Variants in CACNA2D3 observed in about 807,000 individuals in gnomAD.
CACNA2D3 encodes voltage-dependent calcium channel subunit alpha-2/delta-3.
A neutral mutation model predicts 160.6 loss-of-function variants in CACNA2D3; 60 were observed. That is an observed-to-expected ratio of 0.37 (90% CI 0.30 to 0.46). The LOEUF (loss-of-function observed/expected upper bound fraction) is 0.46, where lower values mean the gene tolerates loss of function less well. Among genes scored for constraint, CACNA2D3 ranks in the 20% least tolerant of loss-of-function variants. CACNA2D3 has a pLI of 1.00. For synonymous variants in CACNA2D3, 558 were observed against 492.9 expected (o/e 1.13, Z -1.75); for missense variants, 1,205 against 1,365.0 (o/e 0.88, Z 1.85).
chr3:54,849,382 C>T (rs765209501), intron 17 of CACNA2D3, among the ~76,000 whole-genome samples: 6 of 152,190 alleles, frequency 3.9e-5, no homozygotes, highest in Non-Finnish European at 8.8e-5. Context: ...TGCTTTCCCC[C>T]TCCTCCTTCC....
intron 6 of CACNA2D3, among the ~76,000 whole-genome samples, chr3:54,564,148 G>T (rs969936390): frequency 6.6e-6 from 1 of 152,106 alleles, no homozygotes; most frequent in Non-Finnish European, 1.5e-5. Context: ...GAAGCCCCTG[G>T]GTAGCCAACC....
At chr3:55,029,829 T>C (rs765783619) in intron 35 of CACNA2D3, among the ~76,000 whole-genome samples, 1 of 152,210 alleles carries the variant, frequency 6.6e-6, no homozygotes. Context: ...TGCAAGCATA[T>C]GCTAATTTGT....
intron 3 of CACNA2D3, among the ~76,000 whole-genome samples, chr3:54,371,150 T>G (rs1698919767): frequency 6.6e-6 from 1 of 152,228 alleles, no homozygotes. Context: ...ACCTTTTGGC[T>G]GTAATGATTG....
chr3:54,390,762 C>T (rs1699265455), intron 4 of CACNA2D3, among the ~76,000 whole-genome samples: 1 of 152,076 alleles, frequency 6.6e-6, no homozygotes, highest in Non-Finnish European at 1.5e-5. Context: ...GGTGTCAGCC[C>T]CATTGCTATT....
At chr3:54,211,114 C>A (rs1441969911) in intron 2 of CACNA2D3, among the ~76,000 whole-genome samples, 1 of 152,078 alleles carries the variant, frequency 6.6e-6, no homozygotes, top group Non-Finnish European at 1.5e-5. Flanking sequence ...ATTAGTTTAT[C>A]CTTGTGGATA....
chr3:54,514,311 T>C (rs1231859276), intron 5 of CACNA2D3, among the ~76,000 whole-genome samples: 1 of 152,172 alleles, frequency 6.6e-6, no homozygotes, highest in African/African-American at 2.4e-5. Flanking sequence ...GAGGTGATGA[T>C]GATCAGAATG....
chr3:54,284,292 A>T (rs934164570), intron 2 of CACNA2D3, among the ~76,000 whole-genome samples: 7 of 151,350 alleles, frequency 4.6e-5, no homozygotes, highest in South Asian at 4.1e-4. Flanking sequence ...AAATTAAATT[A>T]AAAAAATTAA....
chr3:54,833,789 T>A (rs920820910), intron 14 of CACNA2D3, among the ~76,000 whole-genome samples: 2 of 152,098 alleles, frequency 1.3e-5, no homozygotes, highest in Non-Finnish European at 2.9e-5. Flanking sequence ...AGTCTTAATT[T>A]TCTGCAAATG....
At chr3:54,856,007 C>T (rs1273718878) in intron 17 of CACNA2D3, among the ~76,000 whole-genome samples, 2 of 152,214 alleles carry the variant, frequency 1.3e-5, no homozygotes, top group South Asian at 4.1e-4. Context: ...CTTGCATGGA[C>T]CTTTGAGTCT....
chr3:54,372,906 G>A lies in CACNA2D3; in HGVS notation c.322-13809G>A, dbSNP rs1698950589. On this transcript the variant is annotated intron_variant, in intron 3 of 37. Coordinates refer to ENST00000474759, the MANE Select transcript of CACNA2D3 (RefSeq NM_018398.3). The stretch of plus-strand genomic sequence containing the variant: ...TTCCTTGAATTCGAGAGGAATGTGT[G>A]AGAATTAGAATGGAAAAATAACAAA... Among the ~76,000 whole-genome samples the A allele has an allele frequency of 2.0e-5, 3 of 152,214 alleles. No individual in the cohort carries two copies. In the South Asian group the frequency reaches 6.2e-4, roughly 32 times the overall value.
chr3:54,505,721 C>T (rs1431101453), intron 5 of CACNA2D3, among the ~76,000 whole-genome samples: 1 of 152,154 alleles, frequency 6.6e-6, no homozygotes, highest in African/African-American at 2.4e-5. Flanking sequence ...TCAGAATGAT[C>T]TTTTAAAATA....
intron 5 of CACNA2D3, among the ~76,000 whole-genome samples, chr3:54,528,600 G>A (rs1701761047): frequency 6.6e-6 from 1 of 152,088 alleles, no homozygotes; most frequent in Non-Finnish European, 1.5e-5. Context: ...ATTTGTCCCA[G>A]AATGAACCTT....
At chr3:54,640,577 G>T (rs1008320768) in intron 10 of CACNA2D3, among the ~76,000 whole-genome samples, 2 of 152,192 alleles carry the variant, frequency 1.3e-5, no homozygotes, top group African/African-American at 4.8e-5. Flanking sequence ...AAAGCTGAAA[G>T]TTGAAGAAGT....
At chr3:54,320,187 A>C (rs1375411084) in intron 2 of CACNA2D3, among the ~76,000 whole-genome samples, 1 of 152,224 alleles carries the variant, frequency 6.6e-6, no homozygotes, top group African/African-American at 2.4e-5. Context: ...TAGACAGATG[A>C]TCGTTTAATT....
At chr3:54,153,263 C>T (rs1414386174) in intron 2 of CACNA2D3, among the ~76,000 whole-genome samples, 2 of 152,208 alleles carry the variant, frequency 1.3e-5, no homozygotes, top group Non-Finnish European at 2.9e-5. Flanking sequence ...GCTCTGACCA[C>T]AGCAGTTGAT....
chr3:55,008,219 T>G (rs1202245816), intron 33 of CACNA2D3, among the ~76,000 whole-genome samples: 1 of 152,234 alleles, frequency 6.6e-6, no homozygotes, highest in Non-Finnish European at 1.5e-5. Flanking sequence ...TGTCTTGGCC[T>G]GTGCAGGAAT....
chr3:54,866,201 G>GA (rs1699397657), intron 17 of CACNA2D3, among the ~76,000 whole-genome samples: 4 of 152,202 alleles, frequency 2.6e-5, no homozygotes, highest in Admixed American at 6.5e-5. Context: ...GGATTGTGTA[G>GA]GTGAACAAAT....
rs1553839738 is a variant in CACNA2D3, at chr3:54,764,295, A to G, written c.1324A>G (p.Lys442Glu). 1 of 1,613,908 alleles carries G rather than the reference A, an allele frequency of 6.2e-7. No homozygotes were observed. The stretch of plus-strand genomic sequence containing the variant: ...ATACCTTCACGTGCTTAGCCGGCCC[A>G]AAGTCATCGACCAGGAGCATGATGT... The part of the protein sequence containing the change: ...MEYLHVLSRP[K>E]VIDQEHDVVW... The change falls in exon 13 of 38, where the codon AAA (lysine) becomes GAA (glutamate). Residue 442 changes from lysine to glutamate, a missense_variant. Coordinates refer to ENST00000474759, the MANE Select transcript of CACNA2D3 (RefSeq NM_018398.3).
At chr3:54,872,617 T>A (rs1699561319) in intron 18 of CACNA2D3, among the ~76,000 whole-genome samples, 1 of 152,196 alleles carries the variant, frequency 6.6e-6, no homozygotes, top group South Asian at 2.1e-4. Flanking sequence ...GCAGCTTTCC[T>A]TCTTTCCACA....
Sources: allele counts gnomAD v4.1 joint callset (sites outside exome capture counted in the v4.1 genomes callset), GRCh38; gene constraint gnomAD v4.1.1; transcripts MANE v1.5; gene names NCBI Gene and HGNC (gene_info 2026-07-23, HGNC 2026-07-21).